Variants in MCM9 observed in about 807,000 individuals in gnomAD.
MCM9 encodes DNA helicase MCM9.
A neutral mutation model predicts 72.8 loss-of-function variants in MCM9; 55 were observed. The observed-to-expected ratio is 0.76, with a 90% CI of 0.61 to 0.95. MCM9 has a LOEUF of 0.95. MCM9 is among the 40% of genes least tolerant of loss of function. MCM9 has a pLI of 0.00. For missense variants in MCM9, 1,279 were observed against 1,377.0 expected (o/e 0.93, Z 1.13); for synonymous variants, 480 against 503.4 (o/e 0.95, Z 0.62).
intron 8 of MCM9, among the ~76,000 whole-genome samples, chr6:118,877,783 C>A (rs1231910389): frequency 1.3e-5 from 2 of 152,108 alleles, no homozygotes; most frequent in African/African-American, 4.8e-5. Context: ...ATAGTTAAAC[C>A]TGGAAACAAC....
chr6:118,894,114 T>G (rs1779169355), intron 8 of MCM9: 1 of 1,172,280 alleles, frequency 8.5e-7, no homozygotes, highest in South Asian at 2.4e-5. Context: ...GGAGCCCATC[T>G]TGCTGGCTGC....
intron 9 of MCM9, among the ~76,000 whole-genome samples, chr6:118,853,752 T>C (rs1331173513): frequency 6.6e-6 from 1 of 152,142 alleles, no homozygotes; most frequent in Non-Finnish European, 1.5e-5. Flanking sequence ...TGAGCTATGA[T>C]CGGGCCTCTG....
In MCM9 at chr6:118,816,228, G is replaced by A. The variant is rs533227061; in HGVS notation, c.2028C>T (p.Ser676=). ...RVLEVETTPG[S]LRNGPGEESN... is the part of the protein sequence containing the mutation. ...ATTCTTCCCCTGGACCATTTCTCAA[G>A]GATCCTGGAGTAGTCTCTACCTCCA... Residue 676 remains serine (S), a synonymous_variant, in exon 14 of 14, where the codon TCC becomes TCT. Coordinates refer to ENST00000619706, the MANE Select transcript of MCM9 (RefSeq NM_017696.3). 1.3e-6 allele frequency: 2 copies of A among 1,550,380 alleles called. No homozygotes were observed. The highest frequency in any genetic ancestry group is 1.4e-5 in the African/African-American group (1 of 73,130).
intron 8 of MCM9, among the ~76,000 whole-genome samples, chr6:118,897,824 GT>G (rs1779533112): frequency 6.6e-6 from 1 of 150,696 alleles, no homozygotes; most frequent in African/African-American, 2.5e-5. Context: ...TGAAAGCTGG[GT>G]TAAAAAAAAA....
intron 8 of MCM9, among the ~76,000 whole-genome samples, chr6:118,877,627 G>T (rs563646658): frequency 6.6e-6 from 1 of 152,192 alleles, no homozygotes; most frequent in Admixed American, 6.6e-5. Flanking sequence ...TTTTGGAAAA[G>T]AGTTTGGCAA....
chr6:118,824,436 G>C, intron 13 of MCM9, among the ~76,000 whole-genome samples: 1 of 151,226 alleles, frequency 6.6e-6, no homozygotes, highest in Non-Finnish European at 1.5e-5. Context: ...AGCCTCCCGA[G>C]TAGCTGGAAT....
intron 8 of MCM9, among the ~76,000 whole-genome samples, chr6:118,892,051 T>G (rs1422054220): frequency 1.3e-5 from 2 of 152,258 alleles, no homozygotes. Context: ...AATTCTTTTT[T>G]TCCTACAGCA....
chr6:118,891,888 C>A (rs190378437), intron 8 of MCM9, among the ~76,000 whole-genome samples: 3 of 152,300 alleles, frequency 2.0e-5, no homozygotes, highest in Admixed American at 2.0e-4. Context: ...ACATTCCATG[C>A]AGCCCTCCAA....
intron 9 of MCM9, among the ~76,000 whole-genome samples, chr6:118,836,580 G>GT (rs1774975479): frequency 6.6e-6 from 1 of 152,174 alleles, no homozygotes; most frequent in Non-Finnish European, 1.5e-5. Flanking sequence ...TTGGGAGGGT[G>GT]TATGAGTCTA....
rs772356301 is a variant in MCM9 at position 118,911,582 on chromosome 6, A to G, written c.1150+68T>C. The G allele has an allele frequency of 2.0e-6, 3 of 1,523,300 alleles. No homozygotes were observed. In the East Asian group the frequency reaches 7.0e-5, roughly 36 times the overall value. The allele number at this position is 1,523,300 out of a possible 1,614,324, so 94.4% of individuals were successfully genotyped here. ...TTTATCCTATTATAGGTAGTTTTTC[A>G]TTAGAAAAAACCATTGTGTTAACTT... On this transcript the variant is annotated intron_variant, in intron 8 of 13. Coordinates refer to ENST00000619706, the MANE Select transcript of MCM9 (RefSeq NM_017696.3).
intron 5 of MCM9, 136 bp downstream of exon 5, chr6:118,921,869 G>A: frequency 1.6e-6 from 1 of 638,442 alleles, no homozygotes. Flanking sequence ...CCACCTGCCA[G>A]TTTCTAATCT....
chr6:118,873,658 C>G (rs1777755677), intron 8 of MCM9, among the ~76,000 whole-genome samples: 1 of 152,090 alleles, frequency 6.6e-6, no homozygotes, highest in Admixed American at 6.6e-5. Flanking sequence ...ACACAAAACA[C>G]CAGGACCAGA....
At chr6:118,845,818 T>A (rs1775822827) in intron 9 of MCM9, among the ~76,000 whole-genome samples, 1 of 151,820 alleles carries the variant, frequency 6.6e-6, no homozygotes, top group South Asian at 2.1e-4. Flanking sequence ...AGTCTAAACC[T>A]GAAGGCCTCT....
intron 8 of MCM9, among the ~76,000 whole-genome samples, chr6:118,868,259 G>C (rs1777353934): frequency 6.6e-6 from 1 of 152,050 alleles, no homozygotes; most frequent in South Asian, 2.1e-4. Flanking sequence ...ATTATAAAAA[G>C]ACAAAGTATG....
At chr6:118,859,990 T>C (rs758396145) in intron 8 of MCM9, among the ~76,000 whole-genome samples, 11 of 152,112 alleles carry the variant, frequency 7.2e-5, no homozygotes, top group Non-Finnish European at 1.5e-4. Context: ...GACTATAGAA[T>C]CCTTTCCCTT....
At chr6:118,840,472 C>T (rs545716661) in intron 9 of MCM9, among the ~76,000 whole-genome samples, 1 of 152,254 alleles carries the variant, frequency 6.6e-6, no homozygotes, top group African/African-American at 2.4e-5. Context: ...TTGGCTACGG[C>T]AAAACCTATC....
chr6:118,821,211 C>T (rs1349375355), intron 13 of MCM9, among the ~76,000 whole-genome samples: 6 of 152,176 alleles, frequency 3.9e-5, no homozygotes, highest in Non-Finnish European at 7.3e-5. Context: ...GCAGTTTCTT[C>T]ATAGCATCAA....
intron 2 of MCM9, 46 bp from the exon 3 acceptor site, chr6:118,931,784 T>C (rs1032451630): frequency 4.9e-5 from 69 of 1,404,480 alleles, no homozygotes; most frequent in Non-Finnish European, 6.3e-5. Context: ...ATACTCAAGA[T>C]GTACACACAA....
intron 8 of MCM9, among the ~76,000 whole-genome samples, chr6:118,875,412 T>C (rs559275760): frequency 1.3e-5 from 2 of 152,086 alleles, no homozygotes; most frequent in Non-Finnish European, 2.9e-5. Context: ...AAAGCAGGCA[T>C]ATTGCTTGAG....
Sources: allele counts gnomAD v4.1 joint callset (sites outside exome capture counted in the v4.1 genomes callset), GRCh38; gene constraint gnomAD v4.1.1; transcripts MANE v1.5; gene names NCBI Gene and HGNC (gene_info 2026-07-23, HGNC 2026-07-21).